The following SLC30A4 variants were observed in gnomAD, a reference collection of about 807,000 sequenced individuals.
The protein encoded by SLC30A4 is probable proton-coupled zinc antiporter SLC30A4.
A neutral mutation model predicts 41.7 loss-of-function variants in SLC30A4; 20 were observed. The observed-to-expected ratio is 0.48, with a 90% CI of 0.34 to 0.70. The LOEUF (loss-of-function observed/expected upper bound fraction) is 0.70. Ranked by LOEUF, SLC30A4 falls within the 30% of genes least tolerant of loss-of-function variation. The probability of loss-of-function intolerance (pLI) is 0.01; values close to 1 mark genes in which losing one functional copy is unlikely to be tolerated. For synonymous variants in SLC30A4, 181 were observed against 195.9 expected (o/e 0.92, Z 0.64); for missense variants, 441 against 529.3 (o/e 0.83, Z 1.64).
chr15:45,500,407 T>C (rs1370696871), intron 3 of SLC30A4, among the ~76,000 whole-genome samples: 1 of 152,206 alleles, frequency 6.6e-6, no homozygotes, highest in Non-Finnish European at 1.5e-5. Flanking sequence ...CAAAAGGTCA[T>C]ATAGATGGAT....
At chr15:45,512,408 C>T (rs1183386471) in intron 2 of SLC30A4, 3 of 152,134 alleles carry the variant, frequency 2.0e-5, no homozygotes, top group South Asian at 2.1e-4. Flanking sequence ...AACCACACTT[C>T]GAGAATCACT....
At chr15:45,522,572 G>C (rs1277773779) in intron 1 of SLC30A4, 35 bp downstream of exon 1, 1 of 488,750 alleles carries the variant, frequency 2.0e-6, no homozygotes, top group Non-Finnish European at 3.5e-6. Flanking sequence ...CGCTCCGCCG[G>C]GGCTCCGCGA....
At position 45,489,014 on chromosome 15, in the gene SLC30A4, G is replaced by T; in HGVS notation, c.721C>A (p.His241Asn). The change falls in exon 5 of 8, where the codon CAC becomes AAC. Residue 241 changes from histidine (H) to asparagine (N), a missense_variant. By Grantham distance (68) the His-to-Asn change is moderately conservative. This residue lies in a region of SLC30A4 where 312 missense variants were observed against 341.9 expected (regional missense o/e 0.91). Coordinates refer to ENST00000261867, the MANE Select transcript of SLC30A4 (RefSeq NM_013309.6). ...IMGFLLNQSG[H>N]RHSHSHSLPS... ...AGGGAGTGGGAATGGGAGTGACGGT[G>T]ACCAGACTGGTTCAACAGAAACCCC... The T allele has an allele frequency of 6.2e-7, 1 of 1,613,522 alleles. No individual in the cohort carries two copies. Among genetic ancestry groups the T allele is most frequent in the South Asian group, 1.1e-5 (1 of 90,990 alleles).
intron 5 of SLC30A4, 76 bp downstream of exon 5, chr15:45,488,765 T>C: frequency 8.8e-7 from 1 of 1,139,624 alleles, no homozygotes; most frequent in Admixed American, 1.7e-5. Flanking sequence ...TCCAGTATAC[T>C]GATATGACAA....
chr15:45,482,472 A>G lies in SLC30A4; in HGVS notation c.*2691T>C, dbSNP rs1891617034. 1 of 152,160 alleles carries G rather than the reference A, an allele frequency of 6.6e-6. No individual in the cohort carries two copies. The highest frequency in any genetic ancestry group is 6.6e-5 in the Admixed American group (1 of 15,266). 9.4% of individuals were successfully genotyped at this position (152,160 alleles called of 1,614,324 possible). A position where few individuals can be genotyped will look rare whatever the true frequency, so the allele number is the denominator to read the frequency against. ...AAATGAATTTTAGCCTGTTTTATCA[A>G]ATACATTTTTTAAGGAACAGGTCGA... is the stretch of plus-strand genomic sequence containing the variant. On this transcript the variant is annotated 3_prime_UTR_variant, in exon 8 of 8. Coordinates refer to ENST00000261867, the MANE Select transcript of SLC30A4 (RefSeq NM_013309.6).
At chr15:45,498,837 G>C (rs1322516099) in intron 3 of SLC30A4, among the ~76,000 whole-genome samples, 1 of 152,180 alleles carries the variant, frequency 6.6e-6, no homozygotes, top group Non-Finnish European at 1.5e-5. Context: ...TCACTAACTA[G>C]GAGATTATAG....
rs1190696710 is a variant in SLC30A4, at chr15:45,484,349, C to T, written c.*814G>A. 6.6e-6 allele frequency: 1 copy of T among 152,120 alleles called. No homozygotes were observed. Among genetic ancestry groups the T allele is most frequent in the African/African-American group, 2.4e-5 (1 of 41,420 alleles). 9.4% of individuals were successfully genotyped at this position (152,120 alleles called of 1,614,324 possible). A position where few individuals can be genotyped will look rare whatever the true frequency, so the allele number is the denominator to read the frequency against. Reference sequence around the variant, plus strand: ...AAAAGTGATGTCGGGAAGACATAAACCTGAAACTCCAACCCCCATCCTCGC... The same window carrying T: ...AAAAGTGATGTCGGGAAGACATAAATCTGAAACTCCAACCCCCATCCTCGC... On this transcript the variant is annotated 3_prime_UTR_variant, in exon 8 of 8. Transcript: ENST00000261867.
chr15:45,490,664 C>T, intron 4 of SLC30A4, 64 bp downstream of exon 4: 1 of 973,934 alleles, frequency 1.0e-6, no homozygotes, highest in Non-Finnish European at 1.5e-6. Flanking sequence ...TTACTGAATG[C>T]ATATGCAATA....
intron 2 of SLC30A4, among the ~76,000 whole-genome samples, chr15:45,515,561 G>A (rs1892445459): frequency 6.6e-6 from 1 of 151,926 alleles, no homozygotes; most frequent in Non-Finnish European, 1.5e-5. Flanking sequence ...ACTGAGGCAG[G>A]AAAATGGCAT....
intron 3 of SLC30A4, among the ~76,000 whole-genome samples, chr15:45,504,082 C>T (rs1892099151): frequency 6.6e-6 from 1 of 152,156 alleles, no homozygotes; most frequent in Admixed American, 6.6e-5. Flanking sequence ...GAAGTAATAG[C>T]CTCCAGAGTA....
At chr15:45,490,695 T>C in intron 4 of SLC30A4, 33 bp downstream of exon 4, 1 of 1,500,920 alleles carries the variant, frequency 6.7e-7, no homozygotes, top group Non-Finnish European at 9.1e-7. Context: ...TCACAGTACT[T>C]GAAAATATTA....
At chr15:45,522,583 G>C (rs984957264) in intron 1 of SLC30A4, 24 bp downstream of exon 1, 34 of 478,616 alleles carry the variant, frequency 7.1e-5, no homozygotes, top group Non-Finnish European at 9.8e-5. Context: ...GGCTCCGCGA[G>C]GGGGCGGCAC....
At chr15:45,521,631 T>C (rs1892669649) in intron 2 of SLC30A4, among the ~76,000 whole-genome samples, 1 of 152,206 alleles carries the variant, frequency 6.6e-6, no homozygotes, top group African/African-American at 2.4e-5. Context: ...CATTTACTAT[T>C]TTAAACGTTG....
At chr15:45,494,971 C>A (rs1421796038) in intron 3 of SLC30A4, among the ~76,000 whole-genome samples, 2 of 151,964 alleles carry the variant, frequency 1.3e-5, no homozygotes, top group African/African-American at 4.8e-5. Context: ...CCAGCCTGAG[C>A]AACACAGTGA....
chr15:45,481,777 G>T lies in SLC30A4; in HGVS notation c.*3386C>A, dbSNP rs1336460668. On this transcript the variant is annotated 3_prime_UTR_variant, in exon 8 of 8. Coordinates refer to ENST00000261867, the MANE Select transcript of SLC30A4 (RefSeq NM_013309.6). ...GCTAAGTTAATGTCCTTTTCTGTGG[G>T]TTAAGTTACAAAAAGTGAAATCAAA... The T allele has an allele frequency of 6.6e-6, 1 of 152,082 alleles. No individual in the cohort carries two copies. Among genetic ancestry groups the T allele is most frequent in the Non-Finnish European group, 1.5e-5 (1 of 68,026 alleles). 9.4% of individuals were successfully genotyped at this position (152,082 alleles called of 1,614,324 possible).
intron 3 of SLC30A4, among the ~76,000 whole-genome samples, chr15:45,506,052 C>T (rs186753741): frequency 9.2e-5 from 14 of 151,982 alleles, no homozygotes; most frequent in Middle Eastern, 3.4e-3. Flanking sequence ...ACAAAAAATA[C>T]AAAAGTTAGC....
intron 2 of SLC30A4, 45 bp downstream of exon 2, chr15:45,521,917 ACT>A (rs765038281): frequency 2.5e-6 from 4 of 1,569,416 alleles, no homozygotes; most frequent in African/African-American, 2.7e-5. Context: ...CTTGACAAAG[ACT>A]CTCGAGGAAA....
intron 6 of SLC30A4, among the ~76,000 whole-genome samples, chr15:45,487,134 G>T (rs1891719399): frequency 6.6e-6 from 1 of 152,100 alleles, no homozygotes; most frequent in Non-Finnish European, 1.5e-5. Flanking sequence ...GAAGAATGCA[G>T]TAAATACAAC....
Position 45,522,489 on chromosome 15 carries a change from T to C in SLC30A4, c.-114-21A>G, listed in dbSNP as rs1892707389. 12 of 933,546 alleles carry C rather than the reference T, an allele frequency of 1.3e-5. 1 individual carries two copies. In the South Asian group the frequency reaches 2.0e-4, roughly 16 times the overall value. The allele number at this position is 933,546 out of a possible 1,614,324, so 57.8% of individuals were successfully genotyped here. A position where few individuals can be genotyped will look rare whatever the true frequency, so the allele number is the denominator to read the frequency against. The stretch of plus-strand genomic sequence containing the variant: ...CCATCCTGTGGAAAACGAAACACGT[T>C]ATAAATTAAAGGCGCCCAACCCTGT... On this transcript the variant is annotated intron_variant, in intron 1 of 7. Transcript: ENST00000261867.
Sources: gnomAD v4.1 joint callset for allele counts (sites outside exome capture counted in the v4.1 genomes callset) on GRCh38, gnomAD v4.1.1 for gene constraint, gnomAD v4.1.1 regional missense constraint, MANE v1.5 for transcripts, NCBI Gene and HGNC (gene_info 2026-07-23, HGNC 2026-07-21) for gene names.